Variants in EVA1C observed in about 807,000 individuals in gnomAD.
The protein encoded by EVA1C is protein eva-1 homolog C.
In EVA1C, 25 loss-of-function variants were observed where a neutral mutation model predicts 45.4. That is an observed-to-expected ratio of 0.55 (90% confidence interval 0.40 to 0.77). The LOEUF (loss-of-function observed/expected upper bound fraction) is 0.77. Ranked by LOEUF, EVA1C falls within the 30% of genes least tolerant of loss-of-function variation. The probability of loss-of-function intolerance (pLI) is 0.00; values close to 1 mark genes in which losing one functional copy is unlikely to be tolerated. For missense variants in EVA1C, 479 were observed against 554.8 expected (o/e 0.86, Z 1.37); for synonymous variants, 190 against 221.2 (o/e 0.86, Z 1.25).
chr21:32,497,218 C>A, intron 5 of EVA1C: 2 of 812,370 alleles, frequency 2.5e-6, no homozygotes. Context: ...GAAAAACCGT[C>A]CAGCAGACTT....
intron 3 of EVA1C, among the ~76,000 whole-genome samples, chr21:32,462,235 A>AC (rs2036023575): frequency 1.3e-5 from 2 of 151,652 alleles, no homozygotes; most frequent in Non-Finnish European, 1.5e-5. Context: ...AAAAAAAAAA[A>AC]AAAAAACAAT....
Position 32,473,543 on chromosome 21 carries a change from G to A in EVA1C, c.634+5695G>A, listed in dbSNP as rs539260113. 3.3e-5 allele frequency among the ~76,000 whole-genome samples: 5 copies of A among 152,274 alleles called. No homozygotes were observed. The East Asian group carries it at 5.8e-4, about 18-fold the overall frequency. ...CAGTCCCATGGGCAGAGCATTTGCC[G>A]TCTGCAGAGAATTTGCAGACAGTCC... On this transcript the variant is annotated intron_variant, in intron 4 of 7. Transcript: ENST00000300255.
intron 1 of EVA1C, among the ~76,000 whole-genome samples, chr21:32,438,517 A>G (rs1353170207): frequency 6.7e-6 from 1 of 149,176 alleles, no homozygotes; most frequent in East Asian, 2.0e-4. Context: ...AACCAAAACG[A>G]CCAAGAAAAG....
chr21:32,431,045 T>G (rs550038339), intron 1 of EVA1C, among the ~76,000 whole-genome samples: 1 of 151,514 alleles, frequency 6.6e-6, no homozygotes, highest in Admixed American at 6.6e-5. Flanking sequence ...CACCCCATGA[T>G]TCAGTTACCT....
intron 1 of EVA1C, among the ~76,000 whole-genome samples, chr21:32,414,525 T>C (rs567500896): frequency 6.6e-6 from 1 of 152,306 alleles, no homozygotes; most frequent in African/African-American, 2.4e-5. Flanking sequence ...TTTTCACAGA[T>C]TATAGACACT....
chr21:32,462,700 C>T (rs2036044021), intron 3 of EVA1C, among the ~76,000 whole-genome samples: 1 of 152,204 alleles, frequency 6.6e-6, no homozygotes, highest in South Asian at 2.1e-4. Flanking sequence ...CCTGGCCCAC[C>T]CAGAGTGGAA....
chr21:32,499,271 G>A (rs982521693), intron 5 of EVA1C, among the ~76,000 whole-genome samples: 1 of 152,240 alleles, frequency 6.6e-6, no homozygotes, highest in Non-Finnish European at 1.5e-5. Flanking sequence ...CTAGGATTCT[G>A]CATCCTTCTC....
chr21:32,438,003 G>A (rs369453591), intron 1 of EVA1C, among the ~76,000 whole-genome samples: 63 of 152,270 alleles, frequency 4.1e-4, no homozygotes, highest in African/African-American at 1.4e-3. Flanking sequence ...TCCGCTCTGC[G>A]TCTATCAAGG....
intron 4 of EVA1C, among the ~76,000 whole-genome samples, chr21:32,470,744 C>CTTTTT (rs1315793972): frequency 2.7e-5 from 4 of 150,268 alleles, no homozygotes; most frequent in Non-Finnish European, 5.9e-5. Flanking sequence ...ATCTTTCTTT[C>CTTTTT]TTTCTTTTTC....
intron 1 of EVA1C, among the ~76,000 whole-genome samples, chr21:32,420,005 T>G (rs2034202695): frequency 6.6e-6 from 1 of 152,198 alleles, no homozygotes; most frequent in East Asian, 1.9e-4. Flanking sequence ...TGGTGTCTTC[T>G]GAGTTTCCCC....
chr21:32,463,660 C>T (rs1001854180), intron 3 of EVA1C, among the ~76,000 whole-genome samples: 2 of 151,818 alleles, frequency 1.3e-5, no homozygotes, highest in African/African-American at 4.8e-5. Flanking sequence ...ATCAAGGCTA[C>T]CTTTAATGAA....
intron 1 of EVA1C, among the ~76,000 whole-genome samples, chr21:32,448,475 G>A (rs550664073): frequency 1.3e-5 from 2 of 152,248 alleles, no homozygotes; most frequent in East Asian, 3.9e-4. Flanking sequence ...TGGCCAGCTC[G>A]CCCGAGCTCC....
At chr21:32,506,105 C>T (rs2037714308) in intron 7 of EVA1C, among the ~76,000 whole-genome samples, 1 of 151,880 alleles carries the variant, frequency 6.6e-6, no homozygotes, top group South Asian at 2.1e-4. Context: ...AGCTTTCCTC[C>T]ATCTCTTTCT....
chr21:32,438,499 A>C (rs536585988), intron 1 of EVA1C, among the ~76,000 whole-genome samples: 2 of 151,018 alleles, frequency 1.3e-5, no homozygotes, highest in Non-Finnish European at 3.0e-5. Flanking sequence ...AAAAAAAAAA[A>C]AAAAAAAAAC....
At chr21:32,465,894 T>C (rs1191965917) in intron 3 of EVA1C, among the ~76,000 whole-genome samples, 1 of 152,210 alleles carries the variant, frequency 6.6e-6, no homozygotes, top group Non-Finnish European at 1.5e-5. Flanking sequence ...TGATTTTCAG[T>C]GAATTTACTG....
intron 3 of EVA1C, among the ~76,000 whole-genome samples, chr21:32,461,561 C>T (rs1476287120): frequency 6.6e-6 from 1 of 152,184 alleles, no homozygotes; most frequent in Admixed American, 6.5e-5. Context: ...CCAAAGGCTG[C>T]ACTGCTGCAC....
At chr21:32,447,305 G>A (rs1030480473) in intron 1 of EVA1C, among the ~76,000 whole-genome samples, 1 of 151,820 alleles carries the variant, frequency 6.6e-6, no homozygotes, top group African/African-American at 2.4e-5. Context: ...GGAGGTGGAG[G>A]TTGCAGTCAA....
chr21:32,489,759 C>G lies in EVA1C; in HGVS notation c.635-5268C>G, dbSNP rs187695949. 3.9e-5 allele frequency among the ~76,000 whole-genome samples: 6 copies of G among 152,300 alleles called. No individual in the cohort carries two copies. In the East Asian group the frequency reaches 1.2e-3, roughly 29 times the overall value. Reference sequence around the variant, plus strand: ...GGGATACCTTTTCATTTATCTGTGTCTTGCTCAATTTCTTTCATCAATGTG... The same window carrying G: ...GGGATACCTTTTCATTTATCTGTGTGTTGCTCAATTTCTTTCATCAATGTG... On this transcript the variant is annotated intron_variant, in intron 4 of 7. Coordinates refer to ENST00000300255, the MANE Select transcript of EVA1C (RefSeq NM_058187.5).
At chr21:32,470,236 A>G (rs1286398409) in intron 4 of EVA1C, among the ~76,000 whole-genome samples, 1 of 152,246 alleles carries the variant, frequency 6.6e-6, no homozygotes, top group Non-Finnish European at 1.5e-5. Flanking sequence ...AAGTGAGCTA[A>G]GCGCACTTTA....
Sources: gnomAD v4.1 joint callset for allele counts (sites outside exome capture counted in the v4.1 genomes callset) on GRCh38, gnomAD v4.1.1 for gene constraint, MANE v1.5 for transcripts, NCBI Gene and HGNC (gene_info 2026-07-23, HGNC 2026-07-21) for gene names.